The following KIAA1328 variants were observed in gnomAD, a reference collection of about 807,000 sequenced individuals.
The protein encoded by KIAA1328 is protein hinderin.
In KIAA1328, 52 loss-of-function variants were observed where a neutral mutation model predicts 68.1. The observed-to-expected ratio is 0.76, with a 90% CI of 0.61 to 0.96. KIAA1328 has a LOEUF of 0.96. Ranked by LOEUF, KIAA1328 falls within the 40% of genes least tolerant of loss-of-function variation. KIAA1328 has a pLI of 0.00. For missense variants in KIAA1328, 641 were observed against 677.6 expected, an observed-to-expected ratio of 0.95 and a Z score of 0.60; for synonymous variants, 232 against 239.4, an observed-to-expected ratio of 0.97 and a Z score of 0.28.
chr18:37,016,908 A>G (rs571431826), intron 6 of KIAA1328, among the ~76,000 whole-genome samples: 3 of 152,052 alleles, frequency 2.0e-5, no homozygotes, highest in African/African-American at 7.2e-5. Context: ...TTATCCTTTC[A>G]AATAACCAAT....
intron 4 of KIAA1328, among the ~76,000 whole-genome samples, chr18:36,860,913 TTTTTAAAAAATAGTACAG>T (rs1270576711): frequency 6.6e-6 from 1 of 152,152 alleles, no homozygotes; most frequent in African/African-American, 2.4e-5. Flanking sequence ...AATAAGCTAT[TTTTTAAAAAATAGTACAG>T]AGGGTTCTCT....
intron 9 of KIAA1328, among the ~76,000 whole-genome samples, chr18:37,215,251 GT>G (rs1568543166): frequency 1.3e-5 from 2 of 152,202 alleles, no homozygotes; most frequent in African/African-American, 4.8e-5. Context: ...AATGCTTCCA[GT>G]TTTTGCCCAT....
At chr18:37,063,308 A>G (rs888991523) in intron 6 of KIAA1328, among the ~76,000 whole-genome samples, 2 of 152,182 alleles carry the variant, frequency 1.3e-5, no homozygotes, top group Non-Finnish European at 2.9e-5. Context: ...CATGGCCAGC[A>G]GAAGAATCTC....
chr18:36,948,261 G>GT (rs1167822236), intron 5 of KIAA1328, among the ~76,000 whole-genome samples: 4,965 of 115,776 alleles, frequency 0.043, 232 homozygotes, highest in African/African-American at 0.048. Flanking sequence ...TTTGTCTTTT[G>GT]TTTTTTTTTT....
intron 6 of KIAA1328, among the ~76,000 whole-genome samples, chr18:37,045,301 G>A (rs1485095936): frequency 1.3e-5 from 2 of 152,164 alleles, no homozygotes; most frequent in Non-Finnish European, 2.9e-5. Flanking sequence ...CAGCTGCAGT[G>A]CTGTTTGAAA....
chr18:37,120,797 C>A (rs2058249283), intron 7 of KIAA1328, among the ~76,000 whole-genome samples: 1 of 151,544 alleles, frequency 6.6e-6, no homozygotes, highest in East Asian at 1.9e-4. Context: ...CAGAGAAAAC[C>A]AAAAAAATGG....
At chr18:37,219,423 T>TC (rs2060512769) in intron 9 of KIAA1328, among the ~76,000 whole-genome samples, 1 of 152,156 alleles carries the variant, frequency 6.6e-6, no homozygotes, top group South Asian at 2.1e-4. Context: ...GCTCTGCCCT[T>TC]CCCCCAGAGG....
intron 2 of KIAA1328, among the ~76,000 whole-genome samples, 167 bp from the exon 3 acceptor site, chr18:36,835,067 T>C (rs2046626852): frequency 2.0e-5 from 3 of 152,200 alleles, no homozygotes; most frequent in African/African-American, 7.2e-5. Flanking sequence ...TTAAAACATA[T>C]TCTTTTTATG....
chr18:36,904,763 C>G (rs1011741483), intron 5 of KIAA1328, among the ~76,000 whole-genome samples: 3 of 151,822 alleles, frequency 2.0e-5, no homozygotes, highest in Non-Finnish European at 2.9e-5. Context: ...TTAGTTTGTT[C>G]CATTTGACCT....
chr18:37,052,486 C>G, intron 6 of KIAA1328, among the ~76,000 whole-genome samples: 1 of 151,946 alleles, frequency 6.6e-6, no homozygotes, highest in East Asian at 1.9e-4. Context: ...GGAAGTCTAG[C>G]CAGAGCAATC....
At position 37,223,781 on chromosome 18, in the gene KIAA1328, G is replaced by A; in HGVS notation, c.*1554G>A. 6 of 985,342 alleles carry A rather than the reference G, an allele frequency of 6.1e-6. No individual in the cohort carries two copies. Among genetic ancestry groups the A allele is most frequent in the Non-Finnish European group, 7.2e-6 (6 of 829,920 alleles). The allele number at this position is 985,342 out of a possible 1,614,324, so 61.0% of individuals were successfully genotyped here. A position where few individuals can be genotyped will look rare whatever the true frequency, so the allele number is the denominator to read the frequency against. The stretch of plus-strand genomic sequence containing the variant: ...AGATCCAAAGCTCATGTCTCTTCAG[G>A]CTGAGACTGGCGCTGTCACCTCCAC... On this transcript the variant is annotated 3_prime_UTR_variant, in exon 10 of 10. Transcript: ENST00000280020.
chr18:37,113,479 G>T (rs1411717948), intron 7 of KIAA1328, among the ~76,000 whole-genome samples: 1 of 152,144 alleles, frequency 6.6e-6, no homozygotes. Flanking sequence ...GTCACTACCA[G>T]ACTTGCCTTA....
At chr18:37,029,297 G>A (rs1434829519) in intron 6 of KIAA1328, among the ~76,000 whole-genome samples, 1 of 151,950 alleles carries the variant, frequency 6.6e-6, no homozygotes, top group African/African-American at 2.4e-5. Context: ...TTTCCAGTTT[G>A]TGTGCCTAGG....
intron 5 of KIAA1328, among the ~76,000 whole-genome samples, chr18:36,932,115 A>G (rs1044285445): frequency 6.6e-6 from 1 of 151,790 alleles, no homozygotes; most frequent in Non-Finnish European, 1.5e-5. Flanking sequence ...TTTCATTGAA[A>G]GTGAGCTTAT....
chr18:36,965,251 G>T (rs368793004), intron 6 of KIAA1328, among the ~76,000 whole-genome samples: 2 of 151,860 alleles, frequency 1.3e-5, no homozygotes, highest in African/African-American at 2.4e-5. Context: ...CTGGTAAAAG[G>T]CTTGTTAGAG....
At chr18:36,906,330 A>G (rs530628762) in intron 5 of KIAA1328, among the ~76,000 whole-genome samples, 76 of 152,226 alleles carry the variant, frequency 5.0e-4, no homozygotes, top group African/African-American at 1.8e-3. Context: ...AATATATTCT[A>G]TGCTTCACCT....
chr18:36,989,915 G>A (rs183634236), intron 6 of KIAA1328, among the ~76,000 whole-genome samples: 7 of 152,096 alleles, frequency 4.6e-5, no homozygotes, highest in Admixed American at 2.0e-4. Flanking sequence ...GGATGGTCTC[G>A]ATCTCCTGAC....
At chr18:36,976,367 T>C (rs909905912) in intron 6 of KIAA1328, among the ~76,000 whole-genome samples, 1 of 152,140 alleles carries the variant, frequency 6.6e-6, no homozygotes, top group Non-Finnish European at 1.5e-5. Context: ...AAAAAATTGG[T>C]GATATATTAC....
chr18:37,077,362 C>G (rs1047545320), intron 7 of KIAA1328, among the ~76,000 whole-genome samples: 1 of 145,732 alleles, frequency 6.9e-6, no homozygotes, highest in Non-Finnish European at 1.5e-5. Flanking sequence ...TATGACAAAC[C>G]CACAGCCAAT....
Sources: gnomAD v4.1 joint callset for allele counts (sites outside exome capture counted in the v4.1 genomes callset) on GRCh38, gnomAD v4.1.1 for gene constraint, MANE v1.5 for transcripts, NCBI Gene and HGNC (gene_info 2026-07-23, HGNC 2026-07-21) for gene names.